LINGO2: variants seen among roughly 807,000 people sequenced by gnomAD.
LINGO2 encodes the protein leucine-rich repeat and immunoglobulin-like domain-containing nogo receptor-interacting protein 2.
A neutral mutation model predicts 30.6 loss-of-function variants in LINGO2; 14 were observed. That is an observed-to-expected ratio of 0.46 (90% CI 0.30 to 0.72). LINGO2 has a LOEUF of 0.72. Among genes scored for constraint, LINGO2 ranks in the 30% least tolerant of loss-of-function variants. The pLI is 0.07. For missense variants in LINGO2, 729 were observed against 751.7 expected (o/e 0.97, Z 0.35); for synonymous variants, 317 against 288.5 (o/e 1.10, Z -1.00).
At chr9:28,423,723 G>C (rs998080460) in intron 2 of LINGO2, among the ~76,000 whole-genome samples, 8 of 152,046 alleles carry the variant, frequency 5.3e-5, no homozygotes, top group Admixed American at 5.2e-4. Flanking sequence ...AATATGAGCT[G>C]TTTTAGAGGA....
the LINGO2 span, among the ~76,000 whole-genome samples, chr9:28,944,984 G>A: frequency 6.6e-6 from 1 of 152,164 alleles, no homozygotes; most frequent in South Asian, 2.1e-4. Flanking sequence ...GGTGAATTAA[G>A]TGTTCAGCAG....
At chr9:28,410,794 T>G (rs957767744) in intron 2 of LINGO2, among the ~76,000 whole-genome samples, 3 of 152,176 alleles carry the variant, frequency 2.0e-5, no homozygotes, top group Non-Finnish European at 2.9e-5. Context: ...CATCTTGTAA[T>G]TCTGATCATT....
At chr9:28,929,732 C>T in the LINGO2 span, among the ~76,000 whole-genome samples, 67 of 152,158 alleles carry the variant, frequency 4.4e-4, no homozygotes, top group East Asian at 4.8e-3. Flanking sequence ...GTGCAAACTG[C>T]GCCAATGGTC....
At chr9:28,100,928 T>C (rs575587536) in intron 4 of LINGO2, among the ~76,000 whole-genome samples, 8 of 152,250 alleles carry the variant, frequency 5.3e-5, no homozygotes, top group South Asian at 2.1e-4. Flanking sequence ...CAGTGTATTT[T>C]AGAGGGTCAT....
At chr9:28,558,797 A>C (rs557442609) in intron 1 of LINGO2, among the ~76,000 whole-genome samples, 8 of 152,092 alleles carry the variant, frequency 5.3e-5, no homozygotes, top group African/African-American at 1.4e-4. Flanking sequence ...TTCATTTGTG[A>C]TCTTTCAATT....
chr9:28,385,359 A>G (rs1821536392), intron 2 of LINGO2, among the ~76,000 whole-genome samples: 1 of 152,116 alleles, frequency 6.6e-6, no homozygotes, highest in African/African-American at 2.4e-5. Context: ...CCATTTTCTC[A>G]CAGCTGTTGA....
chr9:29,018,202 C>T, the LINGO2 span, among the ~76,000 whole-genome samples: 3 of 150,596 alleles, frequency 2.0e-5, no homozygotes, highest in Admixed American at 6.6e-5. Flanking sequence ...AACGGAATAA[C>T]GAATACTGCA....
chr9:28,739,200 C>T, the LINGO2 span, among the ~76,000 whole-genome samples: 1 of 151,876 alleles, frequency 6.6e-6, no homozygotes, highest in Non-Finnish European at 1.5e-5. Context: ...GGAACAAATG[C>T]CATCATAAAG....
At chr9:28,158,906 AT>A (rs1828211436) in intron 4 of LINGO2, among the ~76,000 whole-genome samples, 1 of 152,220 alleles carries the variant, frequency 6.6e-6, no homozygotes, top group Admixed American at 6.5e-5. Context: ...AAAAAGGACT[AT>A]TTTGAAAAAC....
intron 2 of LINGO2, among the ~76,000 whole-genome samples, chr9:28,429,351 C>A (rs141199080): frequency 1.6e-4 from 24 of 152,150 alleles, no homozygotes; most frequent in African/African-American, 5.8e-4. Context: ...TAACAAAGCC[C>A]TTTTTTCTTC....
chr9:29,090,135 T>C, the LINGO2 span, among the ~76,000 whole-genome samples: 21 of 152,184 alleles, frequency 1.4e-4, no homozygotes, highest in African/African-American at 4.3e-4. Flanking sequence ...TATATTGTGA[T>C]TGATATATAG....
chr9:29,101,344 G>A, the LINGO2 span, among the ~76,000 whole-genome samples: 2 of 152,142 alleles, frequency 1.3e-5, no homozygotes, highest in South Asian at 2.1e-4. Flanking sequence ...ATTCAGTGTA[G>A]GGTAAATCTA....
chr9:27,941,110 C>T, the LINGO2 span: 1 of 152,068 alleles, frequency 6.6e-6, no homozygotes, highest in African/African-American at 2.4e-5. Flanking sequence ...TCAAGAAATT[C>T]TCTCTCTAGG....
the LINGO2 span, among the ~76,000 whole-genome samples, chr9:28,916,605 C>A: frequency 1.3e-5 from 2 of 152,166 alleles, no homozygotes; most frequent in East Asian, 1.9e-4. Flanking sequence ...CAATTGCTTC[C>A]AGTTGTCTTG....
chr9:29,104,773 T>C, the LINGO2 span, among the ~76,000 whole-genome samples: 1 of 152,216 alleles, frequency 6.6e-6, no homozygotes, highest in African/African-American at 2.4e-5. Context: ...ACTTCTATCA[T>C]ATGAAATCTA....
chr9:28,377,815 A>C (rs1821188993), intron 2 of LINGO2, among the ~76,000 whole-genome samples: 1 of 152,202 alleles, frequency 6.6e-6, no homozygotes, highest in African/African-American at 2.4e-5. Flanking sequence ...ATTTTCTGCA[A>C]TAAATGTAAG....
chr9:28,180,716 G>A (rs983672978), intron 4 of LINGO2, among the ~76,000 whole-genome samples: 1 of 152,122 alleles, frequency 6.6e-6, no homozygotes, highest in Admixed American at 6.6e-5. Flanking sequence ...GAAGGAGAAG[G>A]AAGGTTGCCA....
At chr9:28,365,743 T>G (rs1820640686) in intron 3 of LINGO2, among the ~76,000 whole-genome samples, 1 of 148,944 alleles carries the variant, frequency 6.7e-6, no homozygotes, top group South Asian at 2.1e-4. Flanking sequence ...AGCTAGGAGG[T>G]ACAAAGGAAC....
chr9:28,920,246 A>G, the LINGO2 span, among the ~76,000 whole-genome samples: 1 of 152,006 alleles, frequency 6.6e-6, no homozygotes, highest in Non-Finnish European at 1.5e-5. Context: ...TCTGGTACCA[A>G]TAAATAATTT....
Sources: allele counts gnomAD v4.1 joint callset (sites outside exome capture counted in the v4.1 genomes callset), GRCh38; gene constraint gnomAD v4.1.1; transcripts MANE v1.5; gene names NCBI Gene and HGNC (gene_info 2026-07-23, HGNC 2026-07-21).